NRXN1: variants seen among roughly 807,000 people sequenced by gnomAD.
The protein encoded by NRXN1 is neurexin 1.
In NRXN1, 39 loss-of-function variants were observed where a neutral mutation model predicts 150.9. The observed-to-expected ratio is 0.26, with a 90% CI of 0.20 to 0.34. The LOEUF (loss-of-function observed/expected upper bound fraction) is 0.34, where lower values mean the gene tolerates loss of function less well. Among genes scored for constraint, NRXN1 ranks in the 10% least tolerant of loss-of-function variants. The pLI is 1.00. For missense variants in NRXN1, 1,815 were observed against 1,949.9 expected (o/e 0.93, Z 1.30); for synonymous variants, 924 against 757.0 (o/e 1.22, Z -3.62).
At chr2:50,269,029 T>C (rs963106748) in intron 17 of NRXN1, among the ~76,000 whole-genome samples, 1 of 152,110 alleles carries the variant, frequency 6.6e-6, no homozygotes, top group East Asian at 1.9e-4. Context: ...AATTTGGTAA[T>C]TGTGACATTG....
intron 2 of NRXN1, among the ~76,000 whole-genome samples, chr2:50,978,300 AT>A (rs1696232346): frequency 3.8e-5 from 5 of 131,880 alleles, no homozygotes; most frequent in East Asian, 2.2e-4. Context: ...ATATATATAT[AT>A]ATATAAAATA....
Position 50,495,898 on chromosome 2 carries a change from C to G in NRXN1, c.3070+7G>C. On this transcript the variant is annotated splice_region_variant and intron_variant, in intron 15 of 22. Coordinates refer to ENST00000401669, the MANE Select transcript of NRXN1 (RefSeq NM_001330078.2). Reference sequence around the variant, plus strand: ...AGGCTCGTTGCTCTGACTTAACATGCACTTACTCTTGAGGTCTAAGTTCCT... The same window carrying G: ...AGGCTCGTTGCTCTGACTTAACATGGACTTACTCTTGAGGTCTAAGTTCCT... The G allele has an allele frequency of 6.3e-7, 1 of 1,583,988 alleles. No individual in the cohort carries two copies. Among genetic ancestry groups the G allele is most frequent in the Non-Finnish European group, 8.6e-7 (1 of 1,164,462 alleles).
chr2:50,007,416 G>A (rs916738491), intron 21 of NRXN1, among the ~76,000 whole-genome samples: 1 of 151,998 alleles, frequency 6.6e-6, no homozygotes, highest in Admixed American at 6.6e-5. Context: ...GGTATGTGAT[G>A]TTCCCCTCCC....
intron 22 of NRXN1, among the ~76,000 whole-genome samples, chr2:49,937,934 T>C (rs1671333869): frequency 6.6e-6 from 1 of 152,240 alleles, no homozygotes. Flanking sequence ...CCTTGTTCAA[T>C]ATACATATCT....
In NRXN1 at chr2:50,888,891, T is replaced by C. The variant is rs562280299; in HGVS notation, c.832+32978A>G. Reference sequence around the variant, plus strand: ...ACCTGATGGATTTGATAACTACCTGTTCAAAGATTTTGCTTTCCTCTTTAT... The same window carrying C: ...ACCTGATGGATTTGATAACTACCTGCTCAAAGATTTTGCTTTCCTCTTTAT... On this transcript the variant is annotated intron_variant, in intron 5 of 22. Coordinates refer to ENST00000401669, the MANE Select transcript of NRXN1 (RefSeq NM_001330078.2). 2.6e-5 allele frequency among the ~76,000 whole-genome samples: 4 copies of C among 151,782 alleles called. No homozygotes were observed. In the East Asian group the frequency reaches 7.8e-4, roughly 30 times the overall value.
chr2:50,799,787 G>A (rs1707337804), intron 5 of NRXN1, among the ~76,000 whole-genome samples: 1 of 152,032 alleles, frequency 6.6e-6, no homozygotes, highest in African/African-American at 2.4e-5. Flanking sequence ...TTTTCACTGG[G>A]CTGTAACTCC....
chr2:50,214,697 C>G (rs1277884453), intron 18 of NRXN1, among the ~76,000 whole-genome samples: 2 of 151,972 alleles, frequency 1.3e-5, no homozygotes, highest in Non-Finnish European at 1.5e-5. Context: ...CTCTAGATTT[C>G]ATGCAGAAGT....
At chr2:50,419,805 A>T (rs2083831653) in intron 17 of NRXN1, among the ~76,000 whole-genome samples, 1 of 152,064 alleles carries the variant, frequency 6.6e-6, no homozygotes, top group South Asian at 2.1e-4. Flanking sequence ...ATATGCTTTT[A>T]TGAGAGATGG....
intron 5 of NRXN1, among the ~76,000 whole-genome samples, chr2:50,641,075 A>G (rs1418127154): frequency 5.9e-5 from 9 of 152,234 alleles, no homozygotes; most frequent in Admixed American, 5.9e-4. Context: ...ACACATTTGC[A>G]AACTGCAGGC....
rs571672712 is a variant in NRXN1 at position 51,027,320 on chromosome 2, G to A, written c.772+182C>T. Among the ~76,000 whole-genome samples the A allele has an allele frequency of 6.6e-5, 10 of 152,292 alleles. No homozygotes were observed. In the South Asian group the frequency reaches 2.1e-3, roughly 32 times the overall value. ...TATGGGGGCTGCCAATCCTTAGGAG[G>A]ATGTCAAGGGAGAAGCTGTGGAGGT... On this transcript the variant is annotated intron_variant, in intron 2 of 22. Transcript: ENST00000401669.
At chr2:50,945,712 C>A (rs138413661) in intron 2 of NRXN1, among the ~76,000 whole-genome samples, 2 of 151,328 alleles carry the variant, frequency 1.3e-5, no homozygotes, top group African/African-American at 4.9e-5. Flanking sequence ...AGATTAGATA[C>A]GGGCACTGAA....
chr2:50,180,195 A>AG (rs1574350788), intron 18 of NRXN1, among the ~76,000 whole-genome samples: 1 of 151,472 alleles, frequency 6.6e-6, no homozygotes, highest in African/African-American at 2.4e-5. Flanking sequence ...CTAATTTAAA[A>AG]AAAAAAATTT....
intron 10 of NRXN1, among the ~76,000 whole-genome samples, chr2:50,535,486 T>G (rs994241488): frequency 6.6e-6 from 1 of 152,226 alleles, no homozygotes; most frequent in Admixed American, 6.5e-5. Flanking sequence ...TGCTCTGACA[T>G]CTGTCCCTCC....
chr2:50,629,829 G>T (rs1355826540), intron 5 of NRXN1, among the ~76,000 whole-genome samples: 2 of 151,324 alleles, frequency 1.3e-5, no homozygotes, highest in African/African-American at 4.8e-5. Flanking sequence ...ATTACCATTT[G>T]CTCTTAAGAG....
At chr2:50,227,160 G>A (rs201043150) in intron 18 of NRXN1, among the ~76,000 whole-genome samples, 4 of 91,366 alleles carry the variant, frequency 4.4e-5, no homozygotes, top group African/African-American at 4.5e-5. Flanking sequence ...ACACAAAGAC[G>A]GGAAAAAAAA....
intron 2 of NRXN1, among the ~76,000 whole-genome samples, chr2:50,968,779 G>C (rs929070879): frequency 2.6e-5 from 4 of 151,868 alleles, no homozygotes; most frequent in Non-Finnish European, 4.4e-5. Context: ...CATAATAGTT[G>C]AGTTTTGTCC....
intron 2 of NRXN1, among the ~76,000 whole-genome samples, chr2:50,956,396 A>G (rs1692288531): frequency 6.6e-6 from 1 of 152,124 alleles, no homozygotes; most frequent in Non-Finnish European, 1.5e-5. Context: ...AGTAATCGCT[A>G]TACATAATAC....
intron 5 of NRXN1, among the ~76,000 whole-genome samples, chr2:50,851,427 T>A (rs1171334977): frequency 1.3e-5 from 2 of 152,152 alleles, no homozygotes; most frequent in Non-Finnish European, 2.9e-5. Context: ...GCTTTACTAT[T>A]TTTTTAACCC....
intron 18 of NRXN1, among the ~76,000 whole-genome samples, chr2:50,213,959 C>G (rs1418718516): frequency 6.6e-6 from 1 of 151,910 alleles, no homozygotes; most frequent in Non-Finnish European, 1.5e-5. Context: ...TACTTGGCAA[C>G]TTCGTAAAAC....
Sources: gnomAD v4.1 joint callset for allele counts (sites outside exome capture counted in the v4.1 genomes callset) on GRCh38, gnomAD v4.1.1 for gene constraint, MANE v1.5 for transcripts, NCBI Gene and HGNC (gene_info 2026-07-23, HGNC 2026-07-21) for gene names.